Variants in HAS2 observed in about 807,000 individuals in gnomAD.
The protein encoded by HAS2 is HA synthase 2.
A neutral mutation model predicts 51.6 loss-of-function variants in HAS2; 16 were observed. The ratio of observed to expected loss-of-function variants is 0.31; its 90% CI spans 0.21 to 0.47. The LOEUF (loss-of-function observed/expected upper bound fraction) is 0.47. Ranked by LOEUF, HAS2 falls within the 20% of genes least tolerant of loss-of-function variation. HAS2 has a pLI of 1.00. For synonymous variants in HAS2, 228 were observed against 235.5 expected, an observed-to-expected ratio of 0.97 and a Z score of 0.29; for missense variants, 361 against 662.6, an observed-to-expected ratio of 0.54 and a Z score of 5.00.
At chr8:121,619,332 A>G (rs1418089711) in intron 2 of HAS2, among the ~76,000 whole-genome samples, 1 of 152,222 alleles carries the variant, frequency 6.6e-6, no homozygotes, top group Non-Finnish European at 1.5e-5. Context: ...TAAATGCATT[A>G]TTGGAAATCA....
Position 121,613,081 on chromosome 8 carries a change from C to T in HAS2, c.*1028G>A, listed in dbSNP as rs1812658218. On this transcript the variant is annotated 3_prime_UTR_variant, in exon 4 of 4. Coordinates refer to ENST00000303924, the MANE Select transcript of HAS2 (RefSeq NM_005328.3). ...ATACAGATAATTTCTCCACTTTCCA[C>T]TTGACTTGTTCTGGGAAAACACTGC... The T allele has an allele frequency of 6.6e-6, 1 of 152,166 alleles. No homozygotes were observed. 9.4% of individuals were successfully genotyped at this position (152,166 alleles called of 1,614,324 possible).
chr8:121,624,653 T>C (rs1170964633), intron 2 of HAS2, among the ~76,000 whole-genome samples: 1 of 152,236 alleles, frequency 6.6e-6, no homozygotes, highest in Non-Finnish European at 1.5e-5. Flanking sequence ...TAGAAGATGT[T>C]CATATTTGTT....
At chr8:121,640,060 TGCCTCCGGGCG>T (rs1813071586) in intron 1 of HAS2, 1 of 152,216 alleles carries the variant, frequency 6.6e-6, no homozygotes, top group Non-Finnish European at 1.5e-5. Flanking sequence ...ACGCACGCCC[TGCCTCCGGGCG>T]GCCGGCGGGC....
chr8:121,617,803 G>T (rs1270369755), intron 2 of HAS2, among the ~76,000 whole-genome samples: 1 of 152,130 alleles, frequency 6.6e-6, no homozygotes, highest in African/African-American at 2.4e-5. Context: ...TCTAAAGATT[G>T]TATAGTTCTA....
At chr8:121,619,551 TA>T (rs1812748456) in intron 2 of HAS2, among the ~76,000 whole-genome samples, 1 of 152,066 alleles carries the variant, frequency 6.6e-6, no homozygotes. Context: ...AAAAAAAAAT[TA>T]GGCAGAAGCT....
chr8:121,621,913 A>G (rs1005761011), intron 2 of HAS2, among the ~76,000 whole-genome samples: 1 of 152,102 alleles, frequency 6.6e-6, no homozygotes, highest in Non-Finnish European at 1.5e-5. Context: ...ACACAGCAAG[A>G]GAGAAATCTT....
At chr8:121,634,740 TCAAA>T (rs927309112) in intron 1 of HAS2, among the ~76,000 whole-genome samples, 1 of 149,790 alleles carries the variant, frequency 6.7e-6, no homozygotes, top group African/African-American at 2.5e-5. Flanking sequence ...AGGGTACCCC[TCAAA>T]CAGTCTTTTT....
chr8:121,622,918 G>C (rs1001694658), intron 2 of HAS2, among the ~76,000 whole-genome samples: 24 of 151,134 alleles, frequency 1.6e-4, no homozygotes, highest in African/African-American at 4.9e-4. Flanking sequence ...AGCTACAAAA[G>C]CTTTTTGAAA....
intron 2 of HAS2, among the ~76,000 whole-genome samples, chr8:121,628,408 C>T (rs755213345): frequency 1.9e-4 from 29 of 151,504 alleles, no homozygotes; most frequent in Non-Finnish European, 2.9e-4. Flanking sequence ...CTTGGCAGAA[C>T]CAAGGGGGCA....
At chr8:121,631,766 C>T (rs1043268339) in intron 1 of HAS2, among the ~76,000 whole-genome samples, 6 of 152,224 alleles carry the variant, frequency 3.9e-5, no homozygotes, top group Middle Eastern at 3.2e-3. Flanking sequence ...AGACTTGGAA[C>T]TTGTCATTTC....
chr8:121,637,708 C>G (rs1453213859), intron 1 of HAS2, among the ~76,000 whole-genome samples: 1 of 152,102 alleles, frequency 6.6e-6, no homozygotes, highest in African/African-American at 2.4e-5. Context: ...AGGCTGTATG[C>G]AGTAGGATAA....
chr8:121,624,892 G>A (rs7016956), intron 2 of HAS2, among the ~76,000 whole-genome samples: 38,829 of 151,840 alleles, frequency 0.26, 5,100 homozygotes, highest in Middle Eastern at 0.36. Context: ...TCAGGAGGTC[G>A]AGACCATCCT....
chr8:121,615,071 C>A, intron 3 of HAS2, 33 bp from the exon 4 acceptor site: 1 of 1,502,110 alleles, frequency 6.7e-7, no homozygotes, highest in Non-Finnish European at 9.0e-7. Flanking sequence ...AATAGGTAAG[C>A]TTTAGCTAAA....
At chr8:121,623,199 T>C (rs942029053) in intron 2 of HAS2, among the ~76,000 whole-genome samples, 1 of 152,128 alleles carries the variant, frequency 6.6e-6, no homozygotes, top group Admixed American at 6.5e-5. Context: ...ATAAAATAAT[T>C]CCTGCCTTCA....
intron 1 of HAS2, among the ~76,000 whole-genome samples, chr8:121,639,122 T>C (rs1813051987): frequency 6.6e-6 from 1 of 152,240 alleles, no homozygotes; most frequent in African/African-American, 2.4e-5. Flanking sequence ...TGTCTCCCTC[T>C]TAACAAGCGG....
In HAS2 at chr8:121,641,158, C is replaced by CTTTCTTTTTTTTTTTTTTTTTTT. The variant is rs1554597329; in HGVS notation, c.-307_-306insAAAAAAAAAAAAAAAAAAAGAAA. On this transcript the variant is annotated 5_prime_UTR_variant, in exon 1 of 4. Coordinates refer to ENST00000303924, the MANE Select transcript of HAS2 (RefSeq NM_005328.3). Reference sequence around the variant, plus strand: ...TAACTTTTCTTTTTTCTTTTCTTTTCTTTTTTTTTTTTTTTTTTTTTTGGG... The same window carrying CTTTCTTTTTTTTTTTTTTTTTTT: ...TAACTTTTCTTTTTTCTTTTCTTTTCTTTCTTTTTTTTTTTTTTTTTTTTTTTTTTTTTTTTTTTTTTTTTGGG... 1.8e-5 allele frequency: 1 copy of CTTTCTTTTTTTTTTTTTTTTTTT among 57,016 alleles called. No homozygotes were observed. 3.5% of individuals were successfully genotyped at this position (57,016 alleles called of 1,614,324 possible).
rs746682818 is a variant in HAS2, at chr8:121,629,051, T to G, written c.290A>C (p.Asp97Ala). The G allele has an allele frequency of 9.9e-6, 16 of 1,613,984 alleles. No homozygotes were observed. ...AGATTGCAAACATTTCCTTAAGTAG[T>G]CTGGATCTTCTTGATAGGCAGCGAT... ...LCIAAYQEDPDYLRKCLQSVK... is the reference protein window; with the variant it reads ...LCIAAYQEDPAYLRKCLQSVK... The change falls in exon 2 of 4, where the codon GAC becomes GCC. Residue 97 changes from aspartate (D) to alanine (A), a missense_variant. Asp to Ala is a moderately radical substitution (Grantham distance 126). Transcript: ENST00000303924.
intron 2 of HAS2, among the ~76,000 whole-genome samples, chr8:121,628,232 A>G (rs1812879904): frequency 6.6e-6 from 1 of 151,536 alleles, no homozygotes; most frequent in Non-Finnish European, 1.5e-5. Context: ...TTAAATGAAA[A>G]TTGTTCTCAC....
At position 121,628,945 on chromosome 8, in the gene HAS2, G is replaced by A. The variant is rs757466711; in HGVS notation, c.396C>T (p.Asp132=). 1.2e-6 allele frequency: 2 copies of A among 1,613,950 alleles called. No individual in the cohort carries two copies. Among genetic ancestry groups the A allele is most frequent in the African/African-American group, 1.3e-5 (1 of 74,906 alleles). Residue 132 remains aspartate, a synonymous_variant, in exon 2 of 4, where the codon GAC becomes GAT. Coordinates refer to ENST00000303924, the MANE Select transcript of HAS2 (RefSeq NM_005328.3). The part of the protein sequence containing the change: ...GNSEDDLYMM[D]IFSEVMGRDK... The stretch of plus-strand genomic sequence containing the variant: ...CTCTGCCCATGACTTCACTGAAGAT[G>A]TCCATCATGTAAAGGTCATCTTCTG...
Sources: allele counts gnomAD v4.1 joint callset (sites outside exome capture counted in the v4.1 genomes callset), GRCh38; gene constraint gnomAD v4.1.1; transcripts MANE v1.5; gene names NCBI Gene and HGNC (gene_info 2026-07-23, HGNC 2026-07-21).